Variants in PXDNL observed in about 807,000 individuals in gnomAD.
The protein encoded by PXDNL is probable oxidoreductase PXDNL.
Under a neutral mutation model 150.8 loss-of-function variants are expected in PXDNL, and 145 were observed. The ratio of observed to expected loss-of-function variants is 0.96; its 90% CI spans 0.84 to 1.10. PXDNL has a LOEUF of 1.10. PXDNL is among the 50% of genes least tolerant of loss of function. PXDNL has a pLI of 0.00. For synonymous variants in PXDNL, 757 were observed against 725.7 expected, an observed-to-expected ratio of 1.04 and a Z score of -0.69; for missense variants, 2,087 against 1,873.9, an observed-to-expected ratio of 1.11 and a Z score of -2.10.
At chr8:51,395,955 C>T (rs1563390573) in intron 17 of PXDNL, among the ~76,000 whole-genome samples, 2 of 152,178 alleles carry the variant, frequency 1.3e-5, no homozygotes, top group African/African-American at 4.8e-5. Flanking sequence ...CCCCACTGCT[C>T]CTTTCTTGTT....
intron 17 of PXDNL, among the ~76,000 whole-genome samples, chr8:51,381,064 A>G (rs1020965242): frequency 1.3e-5 from 2 of 152,194 alleles, no homozygotes; most frequent in Non-Finnish European, 2.9e-5. Context: ...ATACATTTAT[A>G]TGAGATGTTG....
intron 19 of PXDNL, among the ~76,000 whole-genome samples, chr8:51,367,303 C>A (rs1806953004): frequency 1.3e-5 from 2 of 151,824 alleles, no homozygotes; most frequent in Admixed American, 1.3e-4. Context: ...CACAGCCAAT[C>A]CCCAAAACCA....
At chr8:51,740,281 G>C (rs1440311960) in intron 1 of PXDNL, among the ~76,000 whole-genome samples, 2 of 152,204 alleles carry the variant, frequency 1.3e-5, no homozygotes, top group East Asian at 3.8e-4. Context: ...GAATAGTGCT[G>C]CAAAGAAGAT....
chr8:51,637,309 T>C (rs2130768059), intron 2 of PXDNL, among the ~76,000 whole-genome samples: 1 of 152,156 alleles, frequency 6.6e-6, no homozygotes, highest in Non-Finnish European at 1.5e-5. Context: ...CCCCTACAAA[T>C]GAACGCAGCT....
intron 2 of PXDNL, among the ~76,000 whole-genome samples, chr8:51,639,990 A>T (rs1158454664): frequency 6.6e-6 from 1 of 152,138 alleles, no homozygotes; most frequent in African/African-American, 2.4e-5. Context: ...CAGCACATCA[A>T]AAAGCTTATC....
At chr8:51,685,548 C>A (rs1280834241) in intron 1 of PXDNL, among the ~76,000 whole-genome samples, 1 of 152,206 alleles carries the variant, frequency 6.6e-6, no homozygotes, top group Non-Finnish European at 1.5e-5. Context: ...GTCACTTATT[C>A]TCTGGGTCAG....
chr8:51,668,673 T>G (rs528134718), intron 1 of PXDNL, among the ~76,000 whole-genome samples: 1 of 152,296 alleles, frequency 6.6e-6, no homozygotes, highest in South Asian at 2.1e-4. Flanking sequence ...ATTCTCCATA[T>G]CCCATTTACA....
intron 5 of PXDNL, among the ~76,000 whole-genome samples, chr8:51,494,182 GC>G (rs1333762038): frequency 6.6e-6 from 1 of 152,112 alleles, no homozygotes; most frequent in Non-Finnish European, 1.5e-5. Flanking sequence ...GCCAAACTAA[GC>G]TTCATAACTG....
At chr8:51,392,669 A>G (rs1042581013) in intron 17 of PXDNL, among the ~76,000 whole-genome samples, 1 of 152,214 alleles carries the variant, frequency 6.6e-6, no homozygotes, top group South Asian at 2.1e-4. Flanking sequence ...TAGATATACA[A>G]TCATGTCATC....
intron 1 of PXDNL, among the ~76,000 whole-genome samples, chr8:51,729,081 G>C (rs558518784): frequency 6.6e-6 from 1 of 152,200 alleles, no homozygotes; most frequent in Admixed American, 6.5e-5. Context: ...ATGCTGTATA[G>C]GTTTGTAGCC....
At chr8:51,784,108 G>A (rs1476028106) in intron 1 of PXDNL, among the ~76,000 whole-genome samples, 1 of 152,174 alleles carries the variant, frequency 6.6e-6, no homozygotes, top group African/African-American at 2.4e-5. Flanking sequence ...CATACTCTTA[G>A]TTTAGCAAAC....
chr8:51,678,064 G>T (rs545315795), intron 1 of PXDNL, among the ~76,000 whole-genome samples: 3 of 152,294 alleles, frequency 2.0e-5, no homozygotes, highest in African/African-American at 7.2e-5. Context: ...GAGAAGGCAT[G>T]TTGCTCACAG....
chr8:51,363,722 A>T (rs2130760427), intron 19 of PXDNL, among the ~76,000 whole-genome samples: 1 of 151,998 alleles, frequency 6.6e-6, no homozygotes, highest in Middle Eastern at 3.4e-3. Context: ...CTTTCTTTGG[A>T]GGCAGAAATT....
chr8:51,325,775 C>T (rs955154708), intron 21 of PXDNL, among the ~76,000 whole-genome samples: 3 of 152,154 alleles, frequency 2.0e-5, no homozygotes, highest in Non-Finnish European at 4.4e-5. Context: ...TTGGCTTTCT[C>T]GGACAGCAGC....
At chr8:51,342,783 G>A (rs903801963) in intron 20 of PXDNL, among the ~76,000 whole-genome samples, 1 of 150,000 alleles carries the variant, frequency 6.7e-6, no homozygotes, top group Non-Finnish European at 1.5e-5. Flanking sequence ...TAACTAGCCT[G>A]TGTTTCAGGT....
intron 2 of PXDNL, among the ~76,000 whole-genome samples, chr8:51,619,801 C>T (rs1456529224): frequency 1.4e-5 from 2 of 145,350 alleles, no homozygotes; most frequent in Non-Finnish European, 2.9e-5. Flanking sequence ...TATAGTAGTG[C>T]AAGAACAAAC....
chr8:51,327,939 A>G (rs916038657), intron 21 of PXDNL, among the ~76,000 whole-genome samples: 6 of 152,252 alleles, frequency 3.9e-5, no homozygotes, highest in Admixed American at 2.6e-4. Flanking sequence ...AGACTGACTG[A>G]GCATTGAGCC....
chr8:51,451,992 G>A (rs2129960283), intron 10 of PXDNL, among the ~76,000 whole-genome samples: 1 of 152,298 alleles, frequency 6.6e-6, no homozygotes, highest in Non-Finnish European at 1.5e-5. Flanking sequence ...GAAATCATTA[G>A]CATATTGTGG....
chr8:51,544,204 T>C (rs538819308), intron 4 of PXDNL, among the ~76,000 whole-genome samples: 44 of 152,334 alleles, frequency 2.9e-4, no homozygotes, highest in African/African-American at 1.0e-3. Flanking sequence ...ATATGCTTTA[T>C]GCAACTGAGC....
Sources: gnomAD v4.1 joint callset for allele counts (sites outside exome capture counted in the v4.1 genomes callset) on GRCh38, gnomAD v4.1.1 for gene constraint, MANE v1.5 for transcripts, NCBI Gene and HGNC (gene_info 2026-07-23, HGNC 2026-07-21) for gene names.